SAMD5: variants seen among roughly 807,000 people sequenced by gnomAD.
SAMD5 encodes the protein sterile alpha motif domain containing 5.
A neutral mutation model predicts 11.3 loss-of-function variants in SAMD5; 13 were observed. The observed-to-expected ratio is 1.15, with a 90% CI of 0.75 to 1.83. SAMD5 has a LOEUF of 1.83. SAMD5 is among the 40% of genes most tolerant of loss of function. The pLI is 0.00. For missense variants in SAMD5, 255 were observed against 239.1 expected (o/e 1.07, Z -0.44); for synonymous variants, 129 against 111.3 (o/e 1.16, Z -1.00).
In SAMD5 at chr6:147,548,683, C is replaced by G. The variant is rs1250762669; in HGVS notation, c.460-15711C>G. Among the ~76,000 whole-genome samples, 3 of 152,184 alleles carry G rather than the reference C, an allele frequency of 2.0e-5. No individual in the cohort carries two copies. The East Asian group carries it at 5.8e-4, about 29-fold the overall frequency. On this transcript the variant is annotated intron_variant, in intron 1 of 1. Transcript: ENST00000367474. Reference sequence around the variant, plus strand: ...CTTTGTTTCCAAAATGATCTGCTTTCTTGATTAGGACTTAATATTTCTAAA... The same window carrying G: ...CTTTGTTTCCAAAATGATCTGCTTTGTTGATTAGGACTTAATATTTCTAAA...
At chr6:147,879,011 AT>A in the SAMD5 span, among the ~76,000 whole-genome samples, 1 of 152,218 alleles carries the variant, frequency 6.6e-6, no homozygotes, top group African/African-American at 2.4e-5. Flanking sequence ...AAAAATAAAT[AT>A]TTTGGAATGC....
intron 1 of SAMD5, among the ~76,000 whole-genome samples, chr6:147,557,432 C>T: frequency 6.6e-6 from 1 of 152,180 alleles, no homozygotes; most frequent in Non-Finnish European, 1.5e-5. Context: ...GTCAGCAAGG[C>T]CATGCTGCCT....
At chr6:147,611,864 G>A (rs1291813530) in intron 1 of SAMD5, among the ~76,000 whole-genome samples, 1 of 152,150 alleles carries the variant, frequency 6.6e-6, no homozygotes, top group Non-Finnish European at 1.5e-5. Context: ...TCATGGAGAT[G>A]AAAGTGTAAT....
In SAMD5 at chr6:147,551,812, T is replaced by TTTTATATATATATATA. The variant is rs368122795; in HGVS notation, c.460-12581_460-12580insTTATATATATATATAT. ...CTTAAATGTGATTCTTATATATATG[T>TTTTATATATATATATA]TATATATATATATATATATATATAT... On this transcript the variant is annotated intron_variant, in intron 1 of 1. Coordinates refer to ENST00000367474, the MANE Select transcript of SAMD5 (RefSeq NM_001030060.3). 6.0e-5 allele frequency among the ~76,000 whole-genome samples: 6 copies of TTTTATATATATATATA among 99,450 alleles called. No homozygotes were observed. In the Middle Eastern group the frequency reaches 0.018, roughly 293 times the overall value. The allele number at this position is 99,450 out of a possible 152,430, so 65.2% of individuals were successfully genotyped here. A position where few individuals can be genotyped will look rare whatever the true frequency, so the allele number is the denominator to read the frequency against.
intron 1 of SAMD5, among the ~76,000 whole-genome samples, chr6:147,682,339 C>T (rs887146887): frequency 1.3e-5 from 2 of 152,140 alleles, no homozygotes; most frequent in African/African-American, 2.4e-5. Context: ...AGGATAAATG[C>T]GGTACCTGTG....
At chr6:147,897,120 A>C in the SAMD5 span, among the ~76,000 whole-genome samples, 2 of 152,350 alleles carry the variant, frequency 1.3e-5, no homozygotes, top group East Asian at 3.9e-4. Context: ...ATATACTAAA[A>C]ATGACTGAAA....
chr6:147,558,130 T>C lies in SAMD5; in HGVS notation c.460-6264T>C, dbSNP rs112386818. Among the ~76,000 whole-genome samples, 231 of 152,288 alleles carry C rather than the reference T, an allele frequency of 1.5e-3. 1 individual carries two copies. The highest frequency in any genetic ancestry group is 5.0e-3 in the African/African-American group (206 of 41,566). ...GTCATGGCAATTATATTGGTGATAATTGAAGTATGAGTTAGCAGATTAATG... is the reference window on the plus strand; with the variant it reads ...GTCATGGCAATTATATTGGTGATAACTGAAGTATGAGTTAGCAGATTAATG... On this transcript the variant is annotated intron_variant, in intron 1 of 1. Coordinates refer to ENST00000367474, the MANE Select transcript of SAMD5 (RefSeq NM_001030060.3).
chr6:147,551,922 T>A (rs1788782496), intron 1 of SAMD5, among the ~76,000 whole-genome samples: 1 of 151,338 alleles, frequency 6.6e-6, no homozygotes, highest in African/African-American at 2.4e-5. Flanking sequence ...GTATTCTATG[T>A]CACACAGAGG....
At chr6:147,814,729 T>A in the SAMD5 span, among the ~76,000 whole-genome samples, 1 of 152,234 alleles carries the variant, frequency 6.6e-6, no homozygotes, top group African/African-American at 2.4e-5. Context: ...AAACAATAAT[T>A]TGCATGCCTA....
chr6:147,829,252 C>T, the SAMD5 span, among the ~76,000 whole-genome samples: 4 of 152,186 alleles, frequency 2.6e-5, no homozygotes, highest in Admixed American at 6.5e-5. Context: ...GGGGCCCCTG[C>T]CTCAAGCTGT....
intron 1 of SAMD5, among the ~76,000 whole-genome samples, chr6:147,624,252 G>T (rs1790015483): frequency 6.6e-6 from 1 of 152,086 alleles, no homozygotes; most frequent in Non-Finnish European, 1.5e-5. Flanking sequence ...AGTGGAGTGT[G>T]CTCAGAAGGC....
chr6:147,855,395 C>G, the SAMD5 span, among the ~76,000 whole-genome samples: 2 of 152,170 alleles, frequency 1.3e-5, no homozygotes, highest in Non-Finnish European at 2.9e-5. Flanking sequence ...GGGAGGCTTT[C>G]ACTAGAAACT....
chr6:147,568,214 C>G lies in SAMD5; in HGVS notation c.*3758C>G, dbSNP rs1269091602. 2.0e-6 allele frequency: 2 copies of G among 985,218 alleles called. No individual in the cohort carries two copies. Among genetic ancestry groups the G allele is most frequent in the Admixed American group, 1.2e-4 (2 of 16,244 alleles). The allele number at this position is 985,218 out of a possible 1,614,324, so 61.0% of individuals were successfully genotyped here. A position where few individuals can be genotyped will look rare whatever the true frequency, so the allele number is the denominator to read the frequency against. On this transcript the variant is annotated 3_prime_UTR_variant, in exon 2 of 2. Transcript: ENST00000367474. ...GCAGATGATGGTGGATCGGCAAACTCTTTTCTATGAAAAGAAAAACCAGAT... is the reference window on the plus strand; with the variant it reads ...GCAGATGATGGTGGATCGGCAAACTGTTTTCTATGAAAAGAAAAACCAGAT...
At chr6:147,579,692 G>A (rs1042341638) in intron 1 of SAMD5, among the ~76,000 whole-genome samples, 5 of 152,016 alleles carry the variant, frequency 3.3e-5, no homozygotes, top group African/African-American at 1.2e-4. Flanking sequence ...CCTGGCCTCA[G>A]GTGATCCACC....
chr6:147,751,659 A>G, the SAMD5 span, among the ~76,000 whole-genome samples: 2 of 152,080 alleles, frequency 1.3e-5, no homozygotes, highest in East Asian at 3.9e-4. Context: ...GAAATTATTA[A>G]CCCCCGTAAA....
At chr6:147,779,601 T>C in the SAMD5 span, among the ~76,000 whole-genome samples, 2 of 151,890 alleles carry the variant, frequency 1.3e-5, no homozygotes, top group Admixed American at 6.6e-5. Flanking sequence ...GTTCAAGCGA[T>C]TCTCCTGCCT....
chr6:147,800,148 A>G, the SAMD5 span, among the ~76,000 whole-genome samples: 1 of 152,102 alleles, frequency 6.6e-6, no homozygotes. Flanking sequence ...AGGCACTCTG[A>G]TTTTTAGAGT....
At chr6:147,929,574 A>C in the SAMD5 span, among the ~76,000 whole-genome samples, 2 of 152,238 alleles carry the variant, frequency 1.3e-5, no homozygotes, top group Admixed American at 1.3e-4. Flanking sequence ...TTATAATAAA[A>C]TAATATGCAT....
chr6:147,711,645 A>G lies in SAMD5; in HGVS notation c.163-25672A>G, dbSNP rs114303705. The stretch of plus-strand genomic sequence containing the variant: ...GAATGCCAAATTAAATTTCTTGGAA[A>G]ATAGTGGTTTGCATTCTTCAAAGGG... On this transcript the variant is annotated intron_variant, in intron 1 of 1. Coordinates refer to the SAMD5 transcript ENST00000566741. This position sits in a 1 kb window ranked among gnomAD's most constrained non-coding sequence, Gnocchi z 4.1. Among the ~76,000 whole-genome samples the G allele has an allele frequency of 0.01, 1,581 of 152,322 alleles. 9 individuals are homozygous for G. The highest frequency in any genetic ancestry group is 0.037 in the Middle Eastern group (11 of 294).
Sources: gnomAD v4.1 joint callset for allele counts (sites outside exome capture counted in the v4.1 genomes callset) on GRCh38, gnomAD v4.1.1 for gene constraint, Gnocchi (gnomAD v3.1) non-coding constraint, MANE v1.5 for transcripts, NCBI Gene and HGNC (gene_info 2026-07-23, HGNC 2026-07-21) for gene names.